The following C2CD3 variants were observed in gnomAD, a reference collection of about 807,000 sequenced individuals.
C2CD3 encodes the protein C2 domain containing 3 centriole elongation regulator, also known as C2 domain-containing protein 3.
A neutral mutation model predicts 234.0 loss-of-function variants in C2CD3; 148 were observed. The ratio of observed to expected loss-of-function variants is 0.63; its 90% CI spans 0.55 to 0.72. The LOEUF (loss-of-function observed/expected upper bound fraction) is 0.72. Among genes scored for constraint, C2CD3 ranks in the 30% least tolerant of loss-of-function variants. The pLI is 0.00. For missense variants in C2CD3, 2,577 were observed against 2,811.5 expected, an observed-to-expected ratio of 0.92 and a Z score of 1.89; for synonymous variants, 1,000 against 1,035.4, an observed-to-expected ratio of 0.97 and a Z score of 0.66.
intron 15 of C2CD3, among the ~76,000 whole-genome samples, 196 bp from the exon 16 acceptor site, chr11:74,098,451 G>A (rs1185822107): frequency 2.0e-5 from 3 of 152,214 alleles, no homozygotes; most frequent in Non-Finnish European, 4.4e-5. Flanking sequence ...TCAAAATGTA[G>A]CAATTTGAAG....
chr11:74,062,911 G>C (rs1205502612), intron 24 of C2CD3, among the ~76,000 whole-genome samples: 2 of 151,476 alleles, frequency 1.3e-5, no homozygotes, highest in African/African-American at 4.9e-5. Flanking sequence ...AAAGAGAGAA[G>C]AATCAAATAG....
chr11:74,074,309 T>C lies in C2CD3; in HGVS notation c.4895A>G (p.Asp1632Gly). 6.2e-7 allele frequency: 1 copy of C among 1,614,208 alleles called. No homozygotes were observed. The highest frequency in any genetic ancestry group is 8.5e-7 in the Non-Finnish European group (1 of 1,180,020). Residue 1632 changes from aspartate to glycine, a missense_variant, in exon 24 of 33, where the codon GAT becomes GGT. Transcript: ENST00000334126. Reference sequence around the variant, plus strand: ...TAGGATGCTGACTGCAAACGTTCCATCCAAATCAGCAGGGCCCTCCTGCGT... The same window carrying C: ...TAGGATGCTGACTGCAAACGTTCCACCCAAATCAGCAGGGCCCTCCTGCGT... ...RLTQEGPADL[D>G]GTFAVSILVE...
intron 9 of C2CD3, among the ~76,000 whole-genome samples, chr11:74,115,494 C>T (rs1956895630): frequency 6.6e-6 from 1 of 150,676 alleles, no homozygotes. Flanking sequence ...CTTCCTTAAC[C>T]ATTTAAATTA....
At chr11:74,097,779 G>T (rs1056322453) in intron 16 of C2CD3, among the ~76,000 whole-genome samples, 1 of 152,128 alleles carries the variant, frequency 6.6e-6, no homozygotes, top group African/African-American at 2.4e-5. Flanking sequence ...TTGGTTGTTC[G>T]ATTGGATTTT....
intron 32 of C2CD3, among the ~76,000 whole-genome samples, chr11:74,026,158 A>C (rs1022743647): frequency 1.3e-5 from 2 of 152,162 alleles, no homozygotes; most frequent in Non-Finnish European, 2.9e-5. Context: ...GAAGAAAAAA[A>C]TTAGCTGGTT....
rs758808374 is a variant in C2CD3, at chr11:74,078,341, G to A, written c.4377C>T (p.Asn1459=). 6.2e-7 allele frequency: 1 copy of A among 1,614,102 alleles called. No individual in the cohort carries two copies. The highest frequency in any genetic ancestry group is 1.1e-5 in the South Asian group (1 of 91,074). ...TPLKKPKESV[N]KKQIMVTFKA... is the part of the protein sequence containing the mutation. ...TGAAAGTGACCATAATCTGCTTTTT[G>A]TTTACAGATTCCTTAGGCTTCTTGA... The change falls in exon 23 of 33, where the codon AAC becomes AAT. Residue 1459 remains asparagine (N), a synonymous_variant. Transcript: ENST00000334126.
chr11:74,153,805 A>G (rs561856456), intron 3 of C2CD3, among the ~76,000 whole-genome samples: 1 of 152,294 alleles, frequency 6.6e-6, no homozygotes, highest in African/African-American at 2.4e-5. Context: ...AGCTGCAGTA[A>G]TACAGTGTTG....
intron 24 of C2CD3, among the ~76,000 whole-genome samples, chr11:74,067,753 A>G (rs1025387459): frequency 3.9e-5 from 6 of 152,138 alleles, no homozygotes; most frequent in Non-Finnish European, 8.8e-5. Flanking sequence ...ACCCCCACCT[A>G]CTTTTATTGC....
At chr11:74,031,121 C>T (rs373110886) in intron 31 of C2CD3, among the ~76,000 whole-genome samples, 9 of 152,236 alleles carry the variant, frequency 5.9e-5, no homozygotes, top group African/African-American at 2.2e-4. Flanking sequence ...GACCATACCA[C>T]ACTCTTGCTT....
chr11:74,117,710 T>C (rs1057073305), intron 9 of C2CD3, among the ~76,000 whole-genome samples: 1 of 151,844 alleles, frequency 6.6e-6, no homozygotes, highest in African/African-American at 2.4e-5. Context: ...GGTTGGGAGT[T>C]CAAGACCAAC....
At chr11:74,152,809 A>G (rs1268378894) in intron 3 of C2CD3, among the ~76,000 whole-genome samples, 1 of 152,248 alleles carries the variant, frequency 6.6e-6, no homozygotes, top group African/African-American at 2.4e-5. Context: ...CAGGAAAAAC[A>G]TTTGATAAAG....
intron 7 of C2CD3, among the ~76,000 whole-genome samples, chr11:74,127,972 C>G (rs947836410): frequency 6.6e-6 from 1 of 152,006 alleles, no homozygotes; most frequent in African/African-American, 2.4e-5. Flanking sequence ...ATGCCATTCT[C>G]CTGCCTCAGC....
At chr11:74,021,007 G>A (rs1952061598) in intron 32 of C2CD3, among the ~76,000 whole-genome samples, 1 of 152,230 alleles carries the variant, frequency 6.6e-6, no homozygotes, top group African/African-American at 2.4e-5. Context: ...TGATGGTTGA[G>A]ACCAGGGTGG....
Position 74,138,883 on chromosome 11 carries a change from T to A in C2CD3, c.792A>T (p.Gly264=). The A allele has an allele frequency of 6.2e-7, 1 of 1,613,258 alleles. No homozygotes were observed. ...SFGLQHSLNS[G]QSLESVTLKG... ...TCAGAGTTACAGACTCTAAACTCTG[T>A]CCTGAATTAAGACTGTGCTGTAGTC... The change falls in exon 5 of 33, where the codon GGA becomes GGT. Residue 264 remains glycine (G), a synonymous_variant. Transcript: ENST00000334126.
intron 24 of C2CD3, among the ~76,000 whole-genome samples, chr11:74,071,106 T>C (rs1282644883): frequency 6.6e-6 from 1 of 152,238 alleles, no homozygotes; most frequent in African/African-American, 2.4e-5. Context: ...TCCATTAGGC[T>C]GTTCCTTGGG....
chr11:74,060,499 C>A (rs893903006), intron 24 of C2CD3, among the ~76,000 whole-genome samples: 1 of 152,212 alleles, frequency 6.6e-6, no homozygotes, highest in African/African-American at 2.4e-5. Context: ...GATACCCAGG[C>A]AAACAGGGTC....
In C2CD3 at chr11:74,033,711, CTT is replaced by C; in HGVS notation, c.6447_6448del (p.Leu2151CysfsTer4). On this transcript the variant is annotated frameshift_variant, in exon 31 of 33. Coordinates refer to ENST00000334126, the MANE Select transcript of C2CD3 (RefSeq NM_001286577.2). LOFTEE classifies it high-confidence loss of function. ...GGCCTCACACTCACAAGCAACAAGA[CTT>C]TGGCTAGGAGAACCCTGCCTAGGCA... 1 of 1,536,404 alleles carries C rather than the reference CTT, an allele frequency of 6.5e-7. No homozygotes were observed. The highest frequency in any genetic ancestry group is 8.7e-7 in the Non-Finnish European group (1 of 1,146,950).
At chr11:74,053,505 CTG>C (rs997546968) in intron 26 of C2CD3, among the ~76,000 whole-genome samples, 1 of 152,220 alleles carries the variant, frequency 6.6e-6, no homozygotes, top group Non-Finnish European at 1.5e-5. Context: ...CTTAATGTTG[CTG>C]TGTTATGCCT....
At chr11:74,128,112 C>T (rs1365658564) in intron 7 of C2CD3, among the ~76,000 whole-genome samples, 1 of 152,214 alleles carries the variant, frequency 6.6e-6, no homozygotes, top group Admixed American at 6.5e-5. Context: ...ATCCGCCTGC[C>T]TCGGCCTCCC....
Sources: gnomAD v4.1 joint callset for allele counts (sites outside exome capture counted in the v4.1 genomes callset) on GRCh38, gnomAD v4.1.1 for gene constraint, MANE v1.5 for transcripts, NCBI Gene and HGNC (gene_info 2026-07-23, HGNC 2026-07-21) for gene names.